The following SDAD1 variants were observed in gnomAD, a reference collection of about 807,000 sequenced individuals.
SDAD1 encodes the protein SDA1 domain containing 1.
A neutral mutation model predicts 100.3 loss-of-function variants in SDAD1; 79 were observed. The observed-to-expected ratio is 0.79, with a 90% CI of 0.66 to 0.95. The LOEUF (loss-of-function observed/expected upper bound fraction) is 0.95, where lower values mean the gene tolerates loss of function less well. Ranked by LOEUF, SDAD1 falls within the 40% of genes least tolerant of loss-of-function variation. The pLI is 0.00. For missense variants in SDAD1, 790 were observed against 810.9 expected, an observed-to-expected ratio of 0.97 and a Z score of 0.31; for synonymous variants, 267 against 271.4, an observed-to-expected ratio of 0.98 and a Z score of 0.16.
intron 3 of SDAD1, among the ~76,000 whole-genome samples, chr4:75,979,075 A>G (rs1258475321): frequency 1.3e-5 from 2 of 151,482 alleles, no homozygotes; most frequent in Non-Finnish European, 1.5e-5. Flanking sequence ...ATCTGAACAT[A>G]AAGTAATTAA....
In SDAD1 at chr4:75,957,609, G is replaced by A. The variant is rs1232039752; in HGVS notation, c.1678C>T (p.Arg560Cys). The A allele has an allele frequency of 2.2e-5, 35 of 1,613,964 alleles. No individual in the cohort carries two copies. Among genetic ancestry groups the A allele is most frequent in the Non-Finnish European group, 2.5e-5 (30 of 1,180,020 alleles). Residue 560 changes from arginine (R) to cysteine (C), a missense_variant, in exon 19 of 22, where the codon CGC becomes TGC. Arg to Cys is a radical substitution (Grantham distance 180, BLOSUM62 -3). Transcript: ENST00000356260. ...AGTTCTTTTCTCATTTGGGCCATGCGGATTTTCTGGAAGTCTTCCTGAGTT... is the reference window on the plus strand; with the variant it reads ...AGTTCTTTTCTCATTTGGGCCATGCAGATTTTCTGGAAGTCTTCCTGAGTT... Reference protein sequence around the residue: ...VLTQEDFQKIRMAQMRKELDA... With the variant: ...VLTQEDFQKICMAQMRKELDA...
At chr4:75,981,065 G>T (rs908379492) in intron 3 of SDAD1, 13 of 241,782 alleles carry the variant, frequency 5.4e-5, no homozygotes, top group Middle Eastern at 1.6e-3. Context: ...ATCTCAAAAG[G>T]TTAAAGAGCA....
chr4:75,957,434 T>C (rs763991147), intron 19 of SDAD1, 25 bp from the exon 20 acceptor site: 14 of 1,612,938 alleles, frequency 8.7e-6, no homozygotes, highest in Non-Finnish European at 1.2e-5. Context: ...AAATAACACA[T>C]GAAACAAGAA....
intron 1 of SDAD1, among the ~76,000 whole-genome samples, chr4:75,985,074 G>T (rs577179598): frequency 9.9e-5 from 15 of 152,152 alleles, no homozygotes; most frequent in Non-Finnish European, 2.1e-4. Context: ...AACTCTTTAT[G>T]CTACTGACAA....
At position 75,964,167 on chromosome 4, in the gene SDAD1, G is replaced by T; in HGVS notation, c.1149C>A (p.Thr383=). 1 of 1,608,274 alleles carries T rather than the reference G, an allele frequency of 6.2e-7. No individual in the cohort carries two copies. The change falls in exon 14 of 22, where the codon ACC becomes ACA. Residue 383 remains threonine (T), a synonymous_variant. Coordinates refer to ENST00000356260, the MANE Select transcript of SDAD1 (RefSeq NM_018115.4). The part of the protein sequence containing the change: ...LLMTVANNFV[T]DKNSGEVMTV... ...TCATGACTTCTCCAGAGTTCTTGTC[G>T]GTAACAAAATTGTTTGCCACAGTCA...
chr4:75,981,795 A>C (rs1444101682), intron 2 of SDAD1, 138 bp downstream of exon 2: 1 of 757,666 alleles, frequency 1.3e-6, no homozygotes, highest in Non-Finnish European at 2.1e-6. Context: ...AGAAAATAAA[A>C]TTTGCAAAAA....
Position 75,981,410 on chromosome 4 carries a change from A to C in SDAD1, c.256T>G (p.Ser86Ala). ...GGATCCAATACGGTATGATTGCAGG[A>C]GAGAAGATCTTTCACCTCTTGAGGA... is the stretch of plus-strand genomic sequence containing the variant. ...NFPQEVKDLLSCNHTVLDPDL... is the reference protein window; with the variant it reads ...NFPQEVKDLLACNHTVLDPDL... The change falls in exon 3 of 22, where the codon TCC becomes GCC. Residue 86 changes from serine to alanine, a missense_variant. Coordinates refer to ENST00000356260, the MANE Select transcript of SDAD1 (RefSeq NM_018115.4). The C allele has an allele frequency of 6.2e-7, 1 of 1,613,914 alleles. No individual in the cohort carries two copies. The highest frequency in any genetic ancestry group is 8.5e-7 in the Non-Finnish European group (1 of 1,179,822).
chr4:75,953,699 AC>A (rs1728735386), intron 21 of SDAD1, among the ~76,000 whole-genome samples: 1 of 152,218 alleles, frequency 6.6e-6, no homozygotes, highest in Non-Finnish European at 1.5e-5. Context: ...GCTGGCCGTT[AC>A]ATTCAGTGCT....
Position 75,974,083 on chromosome 4 carries a change from A to C in SDAD1, c.629T>G (p.Val210Gly). The C allele has an allele frequency of 6.2e-7, 1 of 1,613,666 alleles. No individual in the cohort carries two copies. The highest frequency in any genetic ancestry group is 8.5e-7 in the Non-Finnish European group (1 of 1,179,658). Residue 210 changes from valine to glycine, a missense_variant, in exon 7 of 22, where the codon GTC becomes GGC. Transcript: ENST00000356260. Reference sequence around the variant, plus strand: ...AGCCCTATAGGTGCTCACCTTGGTGACCTTAGAGAAACATGCAGTTGTGAT... The same window carrying C: ...AGCCCTATAGGTGCTCACCTTGGTGCCCTTAGAGAAACATGCAGTTGTGAT... ...NVITTACFSK[V>G]TKILVAALTF...
chr4:75,958,366 A>G (rs1262336281), intron 17 of SDAD1, among the ~76,000 whole-genome samples: 1 of 152,226 alleles, frequency 6.6e-6, no homozygotes, highest in East Asian at 1.9e-4. Context: ...CGCAGCAGGC[A>G]TCTAATTTGT....
At chr4:75,987,797 C>T (rs746839453) in intron 1 of SDAD1, among the ~76,000 whole-genome samples, 3 of 152,106 alleles carry the variant, frequency 2.0e-5, no homozygotes, top group Non-Finnish European at 4.4e-5. Flanking sequence ...CCACCGTGCC[C>T]GACCCCATGT....
chr4:75,982,409 A>G (rs1730588671), intron 1 of SDAD1, among the ~76,000 whole-genome samples: 1 of 152,184 alleles, frequency 6.6e-6, no homozygotes, highest in Non-Finnish European at 1.5e-5. Context: ...GCACTTTGGG[A>G]GGCCAAAGTG....
intron 2 of SDAD1, 107 bp from the exon 3 acceptor site, chr4:75,981,577 T>G: frequency 6.4e-7 from 1 of 1,550,462 alleles, no homozygotes; most frequent in South Asian, 1.2e-5. Context: ...CTATGTTTCA[T>G]AGAAGTAGAT....
intron 6 of SDAD1, 112 bp downstream of exon 6, chr4:75,975,632 C>A: frequency 1.5e-6 from 1 of 659,402 alleles, no homozygotes; most frequent in South Asian, 2.3e-5. Context: ...AAATCTATGA[C>A]ATAAGTATAT....
chr4:75,975,701 A>C, intron 6 of SDAD1, 43 bp downstream of exon 6: 1 of 1,345,504 alleles, frequency 7.4e-7, no homozygotes, highest in Non-Finnish European at 1.1e-6. Flanking sequence ...ATTACAAATG[A>C]AAAAAGAGTC....
At chr4:75,966,834 A>G (rs1025518442) in intron 12 of SDAD1, among the ~76,000 whole-genome samples, 5 of 152,206 alleles carry the variant, frequency 3.3e-5, no homozygotes, top group African/African-American at 1.2e-4. Flanking sequence ...CAAGGGCACA[A>G]TCTCGGCTCA....
chr4:75,976,141 A>G, intron 4 of SDAD1, 146 bp from the exon 5 acceptor site: 2 of 586,036 alleles, frequency 3.4e-6, no homozygotes, highest in Non-Finnish European at 5.8e-6. Context: ...CCAAGCAAAC[A>G]AACAAAAAAG....
chr4:75,970,123 G>A (rs1729781373), intron 10 of SDAD1, among the ~76,000 whole-genome samples, 186 bp downstream of exon 10: 1 of 151,800 alleles, frequency 6.6e-6, no homozygotes, highest in Admixed American at 6.6e-5. Flanking sequence ...TTCTTGTTCT[G>A]CGATAGACTG....
intron 1 of SDAD1, among the ~76,000 whole-genome samples, chr4:75,983,863 G>A (rs1190078742): frequency 2.0e-5 from 3 of 151,922 alleles, no homozygotes; most frequent in South Asian, 2.1e-4. Flanking sequence ...AGTCTTGCCC[G>A]GGCCTATGTC....
Sources: allele counts gnomAD v4.1 joint callset (sites outside exome capture counted in the v4.1 genomes callset), GRCh38; gene constraint gnomAD v4.1.1; transcripts MANE v1.5; gene names NCBI Gene and HGNC (gene_info 2026-07-23, HGNC 2026-07-21).